ANTXR2: variants seen among roughly 807,000 people sequenced by gnomAD.
ANTXR2 encodes the protein ANTXR cell adhesion molecule 2, also known as anthrax toxin receptor 2.
A neutral mutation model predicts 73.7 loss-of-function variants in ANTXR2; 44 were observed. That is an observed-to-expected ratio of 0.60 (90% CI 0.47 to 0.77). ANTXR2 has a LOEUF of 0.77. ANTXR2 is among the 30% of genes least tolerant of loss of function. The probability of loss-of-function intolerance (pLI) is 0.00; values close to 1 mark genes in which losing one functional copy is unlikely to be tolerated. For missense variants in ANTXR2, 604 were observed against 592.5 expected, an observed-to-expected ratio of 1.02 and a Z score of -0.20; for synonymous variants, 217 against 205.9, an observed-to-expected ratio of 1.05 and a Z score of -0.46.
intron 7 of ANTXR2, among the ~76,000 whole-genome samples, chr4:80,044,132 A>G (rs1354616195): frequency 1.3e-5 from 2 of 151,964 alleles, no homozygotes; most frequent in Non-Finnish European, 2.9e-5. Context: ...AGTTTTTACA[A>G]CTATTGAATA....
At chr4:80,027,274 A>G (rs1026171651) in intron 10 of ANTXR2, among the ~76,000 whole-genome samples, 1 of 152,176 alleles carries the variant, frequency 6.6e-6, no homozygotes, top group Non-Finnish European at 1.5e-5. Context: ...CAGAAACTGT[A>G]GTAAAGGCAG....
intron 7 of ANTXR2, among the ~76,000 whole-genome samples, chr4:80,036,504 T>TA (rs1381616129): frequency 1.3e-5 from 2 of 151,872 alleles, no homozygotes; most frequent in African/African-American, 2.4e-5. Context: ...ATAATATCAA[T>TA]AAAAAAGCAC....
At chr4:79,976,051 T>TGTA (rs1017338425) in intron 16 of ANTXR2, among the ~76,000 whole-genome samples, 2 of 151,926 alleles carry the variant, frequency 1.3e-5, no homozygotes, top group African/African-American at 4.8e-5. Context: ...TAGCTGGGAC[T>TGTA]ACAGGCGCCC....
intron 16 of ANTXR2, among the ~76,000 whole-genome samples, chr4:79,921,790 T>C (rs1255480219): frequency 6.6e-6 from 1 of 152,030 alleles, no homozygotes; most frequent in Non-Finnish European, 1.5e-5. Flanking sequence ...CCACAGCAAG[T>C]GTTTAGTGAA....
intron 16 of ANTXR2, among the ~76,000 whole-genome samples, chr4:79,944,735 T>A (rs1458428777): frequency 6.6e-6 from 1 of 152,158 alleles, no homozygotes; most frequent in African/African-American, 2.4e-5. Flanking sequence ...CAATAGCCCA[T>A]TAATCTTTTA....
chr4:80,063,497 T>C (rs938373766), intron 3 of ANTXR2, among the ~76,000 whole-genome samples: 1 of 151,892 alleles, frequency 6.6e-6, no homozygotes, highest in Non-Finnish European at 1.5e-5. Flanking sequence ...ATATATAAAT[T>C]AAAATTGTGA....
chr4:79,956,780 C>T (rs1354690068), intron 16 of ANTXR2, among the ~76,000 whole-genome samples: 6 of 151,872 alleles, frequency 4.0e-5, no homozygotes, highest in Admixed American at 2.6e-4. Flanking sequence ...TGCATGCGCG[C>T]GCACACACAC....
At chr4:80,011,469 C>CAT (rs1731584089) in intron 11 of ANTXR2, among the ~76,000 whole-genome samples, 1 of 152,108 alleles carries the variant, frequency 6.6e-6, no homozygotes, top group Non-Finnish European at 1.5e-5. Flanking sequence ...TTGTAAGACC[C>CAT]TGGCAAGCCA....
chr4:80,007,590 G>A (rs1302982144), intron 12 of ANTXR2, among the ~76,000 whole-genome samples: 4 of 152,136 alleles, frequency 2.6e-5, no homozygotes, highest in East Asian at 3.9e-4. Flanking sequence ...AGCTAAGTGC[G>A]TCCAATCTAA....
Position 79,930,406 on chromosome 4 carries a change from A to G in ANTXR2, c.1429-22939T>C, listed in dbSNP as rs140574793. On this transcript the variant is annotated intron_variant, in intron 16 of 16. Transcript: ENST00000403729. ...TGTGGATTAACTACATTAAGTTCTA[A>G]AAGTATATATTTTTCATTTTGGATG... Among the ~76,000 whole-genome samples the G allele has an allele frequency of 7.9e-5, 12 of 152,320 alleles. No homozygotes were observed. The East Asian group carries it at 2.1e-3, about 27-fold the overall frequency.
intron 3 of ANTXR2, among the ~76,000 whole-genome samples, chr4:80,064,997 G>A (rs1734431148): frequency 6.6e-6 from 1 of 152,212 alleles, no homozygotes; most frequent in African/African-American, 2.4e-5. Context: ...GCTTGGACAA[G>A]CCGCTTTATC....
intron 16 of ANTXR2, among the ~76,000 whole-genome samples, chr4:79,961,770 T>G (rs557770069): frequency 1.3e-5 from 2 of 152,144 alleles, no homozygotes; most frequent in Non-Finnish European, 2.9e-5. Context: ...CAAAGCTCAC[T>G]GATGATGATG....
intron 16 of ANTXR2, 110 bp downstream of exon 16, chr4:79,977,511 C>T: frequency 6.7e-7 from 1 of 1,493,168 alleles, no homozygotes; most frequent in Admixed American, 2.7e-5. Flanking sequence ...ACAGTATTTC[C>T]TTCCTCAAGT....
At chr4:80,057,156 A>G (rs1212491872) in intron 3 of ANTXR2, among the ~76,000 whole-genome samples, 2 of 151,908 alleles carry the variant, frequency 1.3e-5, no homozygotes, top group Non-Finnish European at 2.9e-5. Flanking sequence ...ACTGAATTAG[A>G]AAATTGTAAA....
chr4:80,062,461 G>A (rs575414105), intron 3 of ANTXR2, among the ~76,000 whole-genome samples: 2 of 152,270 alleles, frequency 1.3e-5, no homozygotes, highest in South Asian at 4.1e-4. Context: ...TCTAGAACAT[G>A]CTCATAAAAC....
At chr4:79,920,629 A>G (rs1226140319) in intron 16 of ANTXR2, among the ~76,000 whole-genome samples, 2 of 152,126 alleles carry the variant, frequency 1.3e-5, no homozygotes, top group African/African-American at 2.4e-5. Flanking sequence ...ATATCTGTGG[A>G]AAAGGCAGAC....
chr4:79,951,590 A>G (rs1019216085), intron 16 of ANTXR2, among the ~76,000 whole-genome samples: 3 of 115,820 alleles, frequency 2.6e-5, no homozygotes, highest in Non-Finnish European at 2.2e-5. Flanking sequence ...AACAACAACA[A>G]CAAAAAAAAA....
intron 7 of ANTXR2, among the ~76,000 whole-genome samples, chr4:80,048,038 T>C (rs981225559): frequency 2.0e-5 from 3 of 151,652 alleles, no homozygotes; most frequent in African/African-American, 7.3e-5. Flanking sequence ...ATAACTACAT[T>C]AGAAAAATAT....
chr4:79,960,442 A>G (rs1486796705), intron 16 of ANTXR2, among the ~76,000 whole-genome samples: 1 of 152,168 alleles, frequency 6.6e-6, no homozygotes, highest in Non-Finnish European at 1.5e-5. Flanking sequence ...GATGATGTAT[A>G]TCAGAGAATA....
Sources: gnomAD v4.1 joint callset for allele counts (sites outside exome capture counted in the v4.1 genomes callset) on GRCh38, gnomAD v4.1.1 for gene constraint, MANE v1.5 for transcripts, NCBI Gene and HGNC (gene_info 2026-07-23, HGNC 2026-07-21) for gene names.